The following APLP2 variants were observed in gnomAD, a reference collection of about 807,000 sequenced individuals.
APLP2 encodes amyloid beta precursor like protein 2.
APLP2 carries 53 observed loss-of-function variants against 89.9 expected under a neutral mutation model. The observed-to-expected ratio is 0.59, with a 90% CI of 0.47 to 0.74. The LOEUF is 0.74. Among genes scored for constraint, APLP2 ranks in the 30% least tolerant of loss-of-function variants. APLP2 has a pLI of 0.00. For synonymous variants in APLP2, 372 were observed against 348.6 expected, an observed-to-expected ratio of 1.07 and a Z score of -0.75; for missense variants, 973 against 975.9, an observed-to-expected ratio of 1.00 and a Z score of 0.04.
rs760910885 is a variant in APLP2 at position 130,141,619 on chromosome 11, A to G, written c.1998+47A>G. ...CTAAGGTTTCCTGCCAATCTTAGGT[A>G]TTTCTCCTCTGGACCTTCTCAGTTC... On this transcript the variant is annotated intron_variant, in intron 15 of 16. Transcript: ENST00000338167. This position sits in a 1 kb window ranked among gnomAD's most constrained non-coding sequence, Gnocchi z 4.2. 3 of 1,536,204 alleles carry G rather than the reference A, an allele frequency of 2.0e-6. No individual in the cohort carries two copies. Among genetic ancestry groups the G allele is most frequent in the Non-Finnish European group, 2.7e-6 (3 of 1,110,074 alleles).
chr11:130,095,371 T>C (rs987845684), intron 1 of APLP2, among the ~76,000 whole-genome samples: 1 of 152,196 alleles, frequency 6.6e-6, no homozygotes, highest in Non-Finnish European at 1.5e-5. Context: ...GACCTTTCTT[T>C]AAAAGTAATA....
chr11:130,109,494 G>C lies in APLP2; in HGVS notation c.171G>C (p.Gly57=), dbSNP rs1948263831. Residue 57 remains glycine, a synonymous_variant, in exon 2 of 17, where the codon GGG becomes GGC. Coordinates refer to ENST00000338167, the MANE Select transcript of APLP2 (RefSeq NM_001142276.2). ...VAEPQIAMFC[G]KLNMHVNIQT... is the part of the protein sequence containing the mutation. ...AGCCTCAAATCGCAATGTTTTGTGG[G>C]AAGTTAAATATGCATGTGAACATTC... 6.2e-7 allele frequency: 1 copy of C among 1,613,872 alleles called. No homozygotes were observed. The highest frequency in any genetic ancestry group is 8.5e-7 in the Non-Finnish European group (1 of 1,179,920).
At chr11:130,126,858 A>G (rs368553995) in intron 8 of APLP2, 28 bp downstream of exon 8, 33 of 1,613,392 alleles carry the variant, frequency 2.0e-5, no homozygotes, top group Middle Eastern at 1.6e-4. Context: ...CTTCATCTTC[A>G]TGGTACTTGG....
At chr11:130,070,434 A>G (rs1940740374) in intron 1 of APLP2, 8 of 370,646 alleles carry the variant, frequency 2.2e-5, no homozygotes, top group Admixed American at 6.4e-5. Context: ...GGACAATGCC[A>G]GGGCGCTCCT....
chr11:130,085,888 C>T (rs1035157263), intron 1 of APLP2, among the ~76,000 whole-genome samples: 1 of 152,096 alleles, frequency 6.6e-6, no homozygotes, highest in African/African-American at 2.4e-5. Flanking sequence ...CATTCCTTTT[C>T]GAGACTGAGT....
chr11:130,121,885 C>G, intron 5 of APLP2, 75 bp downstream of exon 5: 1 of 1,554,720 alleles, frequency 6.4e-7, no homozygotes, highest in Admixed American at 1.8e-5. Context: ...CTGTTGGCTG[C>G]TAGTCCCTCA....
At chr11:130,082,530 C>G (rs1197263893) in intron 1 of APLP2, 2 of 158,914 alleles carry the variant, frequency 1.3e-5, no homozygotes, top group African/African-American at 4.8e-5. Flanking sequence ...GCTTTTAATA[C>G]TTTCACACTG....
At chr11:130,130,196 G>T in intron 11 of APLP2, 30 bp downstream of exon 11, 1 of 1,614,120 alleles carries the variant, frequency 6.2e-7, no homozygotes, top group East Asian at 2.2e-5. Flanking sequence ...AATTGCTGCC[G>T]TGAGGGCATT....
At chr11:130,131,041 C>G (rs1950889573) in intron 11 of APLP2, among the ~76,000 whole-genome samples, 1 of 152,224 alleles carries the variant, frequency 6.6e-6, no homozygotes, top group Non-Finnish European at 1.5e-5. Context: ...CTTGAGTGCC[C>G]TTGAGCAGCT....
intron 9 of APLP2, among the ~76,000 whole-genome samples, chr11:130,128,283 G>A (rs576233167): frequency 1.6e-4 from 25 of 152,344 alleles, no homozygotes; most frequent in African/African-American, 6.0e-4. Flanking sequence ...CCCTTCAGTA[G>A]AAGAGTGTTG....
intron 1 of APLP2, among the ~76,000 whole-genome samples, chr11:130,086,598 A>G (rs563920048): frequency 2.4e-4 from 37 of 152,300 alleles, no homozygotes; most frequent in African/African-American, 8.9e-4. Context: ...GTGAAATATA[A>G]TGTTATGAAG....
rs771387247 is a variant in APLP2, at chr11:130,140,483, G to A, written c.1923G>A (p.Met641Ile). Residue 641 changes from methionine to isoleucine, a missense_variant and splice_region_variant, in exon 14 of 17, where the codon ATG becomes ATA. Physicochemically the swap from Met to Ile is conservative, Grantham distance 10. Transcript: ENST00000338167. ...GTAAGAATAAAGTGGATGAAAACAT[G>A]GTGAGCCTGTTCTTTCTTCTGCCCA... ...INSKNKVDEN[M>I]VIDETLDVKE... 1.2e-6 allele frequency: 2 copies of A among 1,607,214 alleles called. No homozygotes were observed. Among genetic ancestry groups the A allele is most frequent in the Non-Finnish European group, 1.7e-6 (2 of 1,176,960 alleles).
In APLP2 at chr11:130,123,148, T is replaced by C. The variant is rs1379872976; in HGVS notation, c.923-464T>C. ...AGTTGGGGGAAATTACTTAACCAGTTGAGAAGTTTGTGATTTGCCTTAGAG... is the reference window on the plus strand; with the variant it reads ...AGTTGGGGGAAATTACTTAACCAGTCGAGAAGTTTGTGATTTGCCTTAGAG... On this transcript the variant is annotated intron_variant, in intron 6 of 16. Coordinates refer to ENST00000338167, the MANE Select transcript of APLP2 (RefSeq NM_001142276.2). The surrounding 1 kb of genome is among the most constrained non-coding windows in gnomAD (Gnocchi z 4.0). Among the ~76,000 whole-genome samples the C allele has an allele frequency of 1.3e-5, 2 of 152,194 alleles. No individual in the cohort carries two copies. Among genetic ancestry groups the C allele is most frequent in the Non-Finnish European group, 2.9e-5 (2 of 68,046 alleles).
chr11:130,135,527 A>G, intron 12 of APLP2, 36 bp from the exon 13 acceptor site: 2 of 1,608,236 alleles, frequency 1.2e-6, no homozygotes, highest in South Asian at 2.2e-5. Context: ...GGCCCTTCTG[A>G]AGCCTGCTTT....
intron 9 of APLP2, among the ~76,000 whole-genome samples, chr11:130,128,647 A>C (rs1950620974): frequency 6.6e-6 from 1 of 152,184 alleles, no homozygotes. Context: ...GGAATACTTC[A>C]ACAGAACTTA....
chr11:130,135,289 A>G (rs1951438466), intron 12 of APLP2, among the ~76,000 whole-genome samples: 1 of 152,136 alleles, frequency 6.6e-6, no homozygotes. Context: ...AAAGCATTAT[A>G]TTTTAGACCT....
intron 1 of APLP2, chr11:130,100,437 C>G (rs1454041324): frequency 6.6e-6 from 1 of 151,508 alleles, no homozygotes; most frequent in African/African-American, 2.4e-5. Flanking sequence ...TGTGTAAACA[C>G]TGTTCTGCGT....
intron 3 of APLP2, among the ~76,000 whole-genome samples, chr11:130,113,598 CAT>C (rs1009966281): frequency 6.6e-5 from 10 of 152,102 alleles, no homozygotes; most frequent in Non-Finnish European, 8.8e-5. Flanking sequence ...GTAGGAAAGA[CAT>C]ATTGCAGTTC....
At chr11:130,127,561 G>T (rs1950520703) in intron 8 of APLP2, among the ~76,000 whole-genome samples, 1 of 152,190 alleles carries the variant, frequency 6.6e-6, no homozygotes, top group Non-Finnish European at 1.5e-5. Flanking sequence ...TAACAAAGAG[G>T]TCATGGAATT....
Sources: allele counts gnomAD v4.1 joint callset (sites outside exome capture counted in the v4.1 genomes callset), GRCh38; gene constraint gnomAD v4.1.1; non-coding constraint Gnocchi (gnomAD v3.1); transcripts MANE v1.5; gene names NCBI Gene and HGNC (gene_info 2026-07-23, HGNC 2026-07-21).